Variants in TAFA2 observed in about 807,000 individuals in gnomAD.
TAFA2 encodes the protein TAFA chemokine like family member 2.
A neutral mutation model predicts 18.8 loss-of-function variants in TAFA2; 7 were observed. The ratio of observed to expected loss-of-function variants is 0.37; its 90% confidence interval spans 0.21 to 0.70. The LOEUF (loss-of-function observed/expected upper bound fraction) is 0.70. Among genes scored for constraint, TAFA2 ranks in the 30% least tolerant of loss-of-function variants. TAFA2 has a pLI of 0.53. For missense variants in TAFA2, 122 were observed against 158.1 expected (o/e 0.77, Z 1.23); for synonymous variants, 60 against 54.2 (o/e 1.11, Z -0.47).
chr12:61,849,639 G>A (rs1873559171), intron 2 of TAFA2, among the ~76,000 whole-genome samples: 1 of 152,062 alleles, frequency 6.6e-6, no homozygotes, highest in African/African-American at 2.4e-5. Context: ...ATTTTCCAGT[G>A]GTCATATTAT....
At chr12:61,763,016 A>G (rs1869628258) in intron 2 of TAFA2, among the ~76,000 whole-genome samples, 1 of 152,068 alleles carries the variant, frequency 6.6e-6, no homozygotes, top group African/African-American at 2.4e-5. Context: ...ATGTGCTGAA[A>G]CAAAACTTTC....
At chr12:62,147,969 A>G (rs1229273441) in intron 1 of TAFA2, among the ~76,000 whole-genome samples, 1 of 152,168 alleles carries the variant, frequency 6.6e-6, no homozygotes, top group Non-Finnish European at 1.5e-5. Context: ...AAAATGTTCA[A>G]CATCACTGAT....
rs576910441 is a variant in TAFA2 at position 62,002,935 on chromosome 12, T to C, written c.-1-135509A>G. ...AAACCCCACAAGTTCTTGCAAAGCA[T>C]TAATTCTACCAATTTTTTATGTCCT... is the stretch of plus-strand genomic sequence containing the variant. On this transcript the variant is annotated intron_variant, in intron 1 of 4. Coordinates refer to ENST00000416284, the MANE Select transcript of TAFA2 (RefSeq NM_178539.5). 2.6e-5 allele frequency among the ~76,000 whole-genome samples: 4 copies of C among 152,334 alleles called. No individual in the cohort carries two copies. The East Asian group carries it at 5.8e-4, about 22-fold the overall frequency.
chr12:62,225,142 T>C (rs564102601), intron 1 of TAFA2, among the ~76,000 whole-genome samples: 2 of 152,038 alleles, frequency 1.3e-5, no homozygotes, highest in Admixed American at 6.6e-5. Flanking sequence ...GCGGGCTTAG[T>C]TTAATCAATT....
chr12:62,022,891 GA>G (rs2136732690), intron 1 of TAFA2, among the ~76,000 whole-genome samples: 1 of 152,336 alleles, frequency 6.6e-6, no homozygotes, highest in Non-Finnish European at 1.5e-5. Context: ...TCCCATGGCT[GA>G]ATGAGGGGAG....
chr12:62,107,726 T>A (rs1327199576), intron 1 of TAFA2, among the ~76,000 whole-genome samples: 1 of 152,188 alleles, frequency 6.6e-6, no homozygotes, highest in Non-Finnish European at 1.5e-5. Context: ...CTTTCCTTAC[T>A]TAGCATAGAA....
chr12:61,854,881 A>T (rs548446670), intron 2 of TAFA2, among the ~76,000 whole-genome samples: 5 of 152,220 alleles, frequency 3.3e-5, no homozygotes, highest in African/African-American at 1.2e-4. Context: ...CTAAAAAACA[A>T]TGAAGATATA....
At chr12:61,794,148 G>C (rs544712351) in intron 2 of TAFA2, among the ~76,000 whole-genome samples, 1 of 151,960 alleles carries the variant, frequency 6.6e-6, no homozygotes, top group African/African-American at 2.4e-5. Flanking sequence ...ACAAGACAAA[G>C]AAGTCCACTC....
upstream of TAFA2, among the ~76,000 whole-genome samples, chr12:62,193,670 A>T (rs988090386): frequency 6.6e-6 from 1 of 152,216 alleles, no homozygotes; most frequent in African/African-American, 2.4e-5. Flanking sequence ...AAGTTTTGTT[A>T]CATCAGTCCA....
chr12:61,831,389 A>C (rs1262287353), intron 2 of TAFA2, among the ~76,000 whole-genome samples: 1 of 152,076 alleles, frequency 6.6e-6, no homozygotes, highest in Non-Finnish European at 1.5e-5. Context: ...CTTGAGTAGT[A>C]AAATTCTTTC....
In TAFA2 at chr12:61,859,823, A is replaced by T. The variant is rs912737042; in HGVS notation, c.106+7497T>A. ...GTGGGAAGAGGGGTTGTATTCAGCG[A>T]CTCTGAGGGGCTGACGACATTCTAA... On this transcript the variant is annotated intron_variant, in intron 2 of 4. Coordinates refer to ENST00000416284, the MANE Select transcript of TAFA2 (RefSeq NM_178539.5). Among the ~76,000 whole-genome samples the T allele has an allele frequency of 2.0e-5, 3 of 151,876 alleles. No individual in the cohort carries two copies. The South Asian group carries it at 6.2e-4, about 32-fold the overall frequency.
intron 1 of TAFA2, among the ~76,000 whole-genome samples, chr12:61,923,108 G>C (rs1877127610): frequency 6.6e-6 from 1 of 152,194 alleles, no homozygotes; most frequent in Non-Finnish European, 1.5e-5. Context: ...GGGGCATATA[G>C]ATAAAACTCT....
intron 1 of TAFA2, among the ~76,000 whole-genome samples, chr12:62,127,426 T>C (rs147046409): frequency 1.8e-4 from 28 of 152,224 alleles, no homozygotes; most frequent in African/African-American, 6.7e-4. Flanking sequence ...TGTTGAGTTA[T>C]ATACACTCAT....
At chr12:62,024,185 T>A (rs1479842317) in intron 1 of TAFA2, among the ~76,000 whole-genome samples, 1 of 152,164 alleles carries the variant, frequency 6.6e-6, no homozygotes, top group African/African-American at 2.4e-5. Context: ...AGCTCCATGA[T>A]CTCAGCATTC....
At chr12:62,209,505 G>A (rs903882644) in intron 1 of TAFA2, among the ~76,000 whole-genome samples, 6 of 152,156 alleles carry the variant, frequency 3.9e-5, no homozygotes, top group Admixed American at 3.3e-4. Flanking sequence ...TGTGAGAATG[G>A]ACTAATACAC....
intron 1 of TAFA2, among the ~76,000 whole-genome samples, chr12:61,982,155 C>G (rs1453001764): frequency 6.6e-6 from 1 of 152,102 alleles, no homozygotes; most frequent in Non-Finnish European, 1.5e-5. Context: ...GTGGATGAAG[C>G]TGGAAACCAT....
At chr12:62,210,747 TC>T in intron 1 of TAFA2, among the ~76,000 whole-genome samples, 1 of 152,000 alleles carries the variant, frequency 6.6e-6, no homozygotes, top group East Asian at 1.9e-4. Context: ...ATGTACCGAT[TC>T]CAAAATGCTA....
chr12:62,082,403 C>A (rs1002278608), intron 1 of TAFA2, among the ~76,000 whole-genome samples: 1 of 152,174 alleles, frequency 6.6e-6, no homozygotes, highest in African/African-American at 2.4e-5. Context: ...CTCCTTTCAT[C>A]TTTAGTAGTA....
intron 1 of TAFA2, among the ~76,000 whole-genome samples, chr12:61,952,029 T>C (rs1035777025): frequency 6.6e-6 from 1 of 152,106 alleles, no homozygotes; most frequent in Non-Finnish European, 1.5e-5. Flanking sequence ...GATGGCTAAG[T>C]GGTGAGGAAA....
Sources: gnomAD v4.1 joint callset for allele counts (sites outside exome capture counted in the v4.1 genomes callset) on GRCh38, gnomAD v4.1.1 for gene constraint, MANE v1.5 for transcripts, NCBI Gene and HGNC (gene_info 2026-07-23, HGNC 2026-07-21) for gene names.